The following CDH18 variants were observed in gnomAD, a reference collection of about 807,000 sequenced individuals.
The protein encoded by CDH18 is cadherin 18, also known as cadherin-18.
Under a neutral mutation model 67.9 loss-of-function variants are expected in CDH18, and 31 were observed. The ratio of observed to expected loss-of-function variants is 0.46; its 90% CI spans 0.34 to 0.62. The LOEUF (loss-of-function observed/expected upper bound fraction) is 0.62, where lower values mean the gene tolerates loss of function less well. CDH18 is among the 20% of genes least tolerant of loss of function. The pLI is 0.01. For synonymous variants in CDH18, 362 were observed against 347.2 expected (o/e 1.04, Z -0.48); for missense variants, 890 against 975.5 (o/e 0.91, Z 1.17).
intron 2 of CDH18, among the ~76,000 whole-genome samples, chr5:19,909,483 G>T (rs1790895327): frequency 6.6e-6 from 1 of 151,856 alleles, no homozygotes; most frequent in Non-Finnish European, 1.5e-5. Context: ...ATTTTTAGTA[G>T]AGATGGGGTT....
chr5:19,747,010 A>AT lies in CDH18; in HGVS notation c.454dup (p.Ile152AsnfsTer3). The stretch of plus-strand genomic sequence containing the variant: ...TGTGAATTTTGGAGCGTTGTCATTG[A>AT]TGTCTTGCACTTTGATGATGAACTC... On this transcript the variant is annotated frameshift_variant, in exon 4 of 13. Transcript: ENST00000382275. LOFTEE classifies it high-confidence loss of function. The AT allele has an allele frequency of 6.2e-7, 1 of 1,614,118 alleles. No individual in the cohort carries two copies. The highest frequency in any genetic ancestry group is 8.5e-7 in the Non-Finnish European group (1 of 1,180,014).
chr5:20,390,779 C>A (rs867225377), intron 1 of CDH18, among the ~76,000 whole-genome samples: 3 of 152,128 alleles, frequency 2.0e-5, no homozygotes, highest in South Asian at 2.1e-4. Flanking sequence ...AAATGTGGCA[C>A]ATATACACCG....
chr5:20,389,869 C>G (rs1414921586), intron 1 of CDH18, among the ~76,000 whole-genome samples: 1 of 151,964 alleles, frequency 6.6e-6, no homozygotes, highest in Non-Finnish European at 1.5e-5. Context: ...ACAAAGCTGA[C>G]AAAAACAAGA....
At chr5:20,406,305 C>T (rs1746248422) in intron 1 of CDH18, among the ~76,000 whole-genome samples, 1 of 152,034 alleles carries the variant, frequency 6.6e-6, no homozygotes, top group Admixed American at 6.6e-5. Context: ...AAGCTGGAAA[C>T]CATCATTCTC....
chr5:19,603,757 G>A (rs2150075231), intron 6 of CDH18, among the ~76,000 whole-genome samples: 2 of 150,138 alleles, frequency 1.3e-5, no homozygotes, highest in South Asian at 4.2e-4. Context: ...ATGAGGTAGG[G>A]CAATGTGCAT....
chr5:19,877,606 T>A (rs1411543745), intron 2 of CDH18, among the ~76,000 whole-genome samples: 4 of 152,140 alleles, frequency 2.6e-5, no homozygotes, highest in Non-Finnish European at 4.4e-5. Context: ...GACATTTATG[T>A]TTATAGTAAC....
At chr5:19,606,512 T>C (rs1198415321) in intron 6 of CDH18, among the ~76,000 whole-genome samples, 1 of 152,014 alleles carries the variant, frequency 6.6e-6, no homozygotes, top group Non-Finnish European at 1.5e-5. Flanking sequence ...AGAACAAAAA[T>C]GTCAATGCTG....
chr5:19,938,284 G>A (rs966310734), intron 2 of CDH18, among the ~76,000 whole-genome samples: 17 of 150,986 alleles, frequency 1.1e-4, no homozygotes, highest in African/African-American at 4.1e-4. Context: ...TTACTCTATT[G>A]TCATGGTTAA....
chr5:19,953,188 C>T (rs1246688679), intron 2 of CDH18, among the ~76,000 whole-genome samples: 1 of 151,860 alleles, frequency 6.6e-6, no homozygotes, highest in East Asian at 1.9e-4. Context: ...TCTAGAATAC[C>T]TATGGTGAAA....
chr5:19,903,541 G>GTGTA (rs374931710), intron 2 of CDH18, among the ~76,000 whole-genome samples: 2 of 124,732 alleles, frequency 1.6e-5, no homozygotes, highest in African/African-American at 5.7e-5. Flanking sequence ...GTGTGTGTGT[G>GTGTA]TATATATATA....
intron 2 of CDH18, among the ~76,000 whole-genome samples, chr5:20,007,156 G>A (rs1736969368): frequency 6.6e-6 from 1 of 151,734 alleles, no homozygotes; most frequent in Non-Finnish European, 1.5e-5. Flanking sequence ...TTATATATAA[G>A]TAAAGAAATA....
intron 3 of CDH18, among the ~76,000 whole-genome samples, chr5:19,768,574 C>G (rs1316963206): frequency 6.6e-6 from 1 of 152,050 alleles, no homozygotes; most frequent in Non-Finnish European, 1.5e-5. Flanking sequence ...AACGCTGCCC[C>G]ATAGTAAATG....
Position 20,172,214 on chromosome 5 carries a change from A to ACACGTATATATATATACG in CDH18, c.-518+83229_-518+83230insCGTATATATATATACGTG, listed in dbSNP as rs796558819. ...TGTATATATATATATATATATATAT[A>ACACGTATATATATATACG]TATATATATGTATATATATATATAT... On this transcript the variant is annotated intron_variant, in intron 2 of 14. Transcript: ENST00000507958. 4.9e-4 allele frequency among the ~76,000 whole-genome samples: 16 copies of ACACGTATATATATATACG among 32,848 alleles called. 1 individual carries two copies. Among genetic ancestry groups the ACACGTATATATATATACG allele is most frequent in the African/African-American group, 2.0e-3 (16 of 8,062 alleles). The allele number at this position is 32,848 out of a possible 152,430, so 21.5% of individuals were successfully genotyped here.
chr5:19,892,743 G>A (rs1393697644), intron 2 of CDH18, among the ~76,000 whole-genome samples: 1 of 152,038 alleles, frequency 6.6e-6, no homozygotes, highest in East Asian at 1.9e-4. Flanking sequence ...TACCGATTCC[G>A]AGAACATATG....
At chr5:20,373,555 G>A (rs1277037466) in intron 1 of CDH18, among the ~76,000 whole-genome samples, 1 of 151,902 alleles carries the variant, frequency 6.6e-6, no homozygotes, top group Non-Finnish European at 1.5e-5. Context: ...TGAAATCTCA[G>A]CACCTCATCT....
At chr5:19,572,258 G>A (rs1319821142) in intron 7 of CDH18, among the ~76,000 whole-genome samples, 2 of 152,210 alleles carry the variant, frequency 1.3e-5, no homozygotes, top group East Asian at 1.9e-4. Flanking sequence ...CTCCCATGGT[G>A]AGGTGAGTGA....
chr5:20,265,730 T>C (rs1744984295), intron 1 of CDH18, among the ~76,000 whole-genome samples: 1 of 152,234 alleles, frequency 6.6e-6, no homozygotes, highest in Non-Finnish European at 1.5e-5. Flanking sequence ...CAATGAGCAC[T>C]CTTTCTTGAA....
intron 5 of CDH18, among the ~76,000 whole-genome samples, chr5:19,703,748 G>A (rs1763590573): frequency 7.1e-6 from 1 of 140,422 alleles, no homozygotes; most frequent in Non-Finnish European, 1.5e-5. Context: ...CCGATCAACA[G>A]GGAAATATTA....
At chr5:19,589,690 C>T (rs1394153958) in intron 7 of CDH18, among the ~76,000 whole-genome samples, 1 of 152,078 alleles carries the variant, frequency 6.6e-6, no homozygotes, top group African/African-American at 2.4e-5. Flanking sequence ...TCTTCAATGG[C>T]TTTCCATTTG....
Sources: gnomAD v4.1 joint callset for allele counts (sites outside exome capture counted in the v4.1 genomes callset) on GRCh38, gnomAD v4.1.1 for gene constraint, MANE v1.5 for transcripts, NCBI Gene and HGNC (gene_info 2026-07-23, HGNC 2026-07-21) for gene names.